The following IL1RAPL2 variants were observed in gnomAD, a reference collection of about 807,000 sequenced individuals.
The protein encoded by IL1RAPL2 is X-linked interleukin-1 receptor accessory protein-like 2.
IL1RAPL2 carries 3 observed loss-of-function variants against 44.1 expected under a neutral mutation model. The ratio of observed to expected loss-of-function variants is 0.07; its 90% CI spans 0.03 to 0.18. The LOEUF is 0.18. Among genes scored for constraint, IL1RAPL2 ranks in the 10% least tolerant of loss-of-function variants. The probability of loss-of-function intolerance (pLI) is 1.00; values close to 1 mark genes in which losing one functional copy is unlikely to be tolerated. For synonymous variants in IL1RAPL2, 181 were observed against 178.8 expected, an observed-to-expected ratio of 1.01 and a Z score of -0.10; for missense variants, 391 against 496.4, an observed-to-expected ratio of 0.79 and a Z score of 2.02.
At chrX:104,615,895 TCTTGA>T (rs1929265685) in intron 1 of IL1RAPL2, among the ~76,000 whole-genome samples, 1 of 112,169 alleles carries the variant, frequency 8.9e-6, no homozygotes, top group Non-Finnish European at 1.9e-5. Context: ...ATCTGTTGTT[TCTTGA>T]CTTTTTAATG....
intron 1 of IL1RAPL2, among the ~76,000 whole-genome samples, chrX:104,592,174 TG>T (rs1326118502): frequency 3.8e-5 from 4 of 104,847 alleles, no homozygotes; most frequent in African/African-American, 1.4e-4. Flanking sequence ...TGTGTGTGTG[TG>T]TGTGTGTGTG....
At chrX:105,356,861 A>G (rs762085388) in intron 5 of IL1RAPL2, among the ~76,000 whole-genome samples, 1 of 112,296 alleles carries the variant, frequency 8.9e-6, no homozygotes, top group East Asian at 2.8e-4. Context: ...ATCAAACTCA[A>G]CAAACCTTGG....
chrX:104,919,567 G>A (rs1271326523), intron 2 of IL1RAPL2, among the ~76,000 whole-genome samples: 2 of 94,231 alleles, frequency 2.1e-5, no homozygotes, highest in Non-Finnish European at 4.1e-5. Context: ...CTCTTACTCT[G>A]TCGCCCAGGC....
chrX:105,024,330 G>T (rs182220131), intron 2 of IL1RAPL2, among the ~76,000 whole-genome samples: 273 of 111,310 alleles, frequency 2.5e-3, no homozygotes, highest in Non-Finnish European at 2.5e-3. Flanking sequence ...ACCAAATTCT[G>T]CTTTTAATAT....
At chrX:104,586,134 A>G (rs914549264) in intron 1 of IL1RAPL2, among the ~76,000 whole-genome samples, 14 of 111,859 alleles carry the variant, frequency 1.3e-4, no homozygotes, top group African/African-American at 4.5e-4. Context: ...ATTAATAGCC[A>G]TTCTGACTAG....
intron 2 of IL1RAPL2, among the ~76,000 whole-genome samples, chrX:105,147,759 T>C (rs1433932192): frequency 8.9e-6 from 1 of 112,084 alleles, no homozygotes; most frequent in African/African-American, 3.2e-5. Flanking sequence ...GACATCTACA[T>C]TGGTTCAACT....
At chrX:104,771,479 A>C (rs954830993) in intron 2 of IL1RAPL2, among the ~76,000 whole-genome samples, 7 of 112,691 alleles carry the variant, frequency 6.2e-5, no homozygotes, top group Non-Finnish European at 1.1e-4. Flanking sequence ...TGTATTAGAT[A>C]AGGTGTGAGA....
intron 5 of IL1RAPL2, among the ~76,000 whole-genome samples, chrX:105,285,527 A>G (rs149937130): frequency 0.015 from 1,717 of 111,818 alleles, 33 homozygotes; most frequent in African/African-American, 0.053. Context: ...TTAGAACTAG[A>G]AGGGACTTTG....
At chrX:104,753,777 AG>A (rs1932301523) in intron 2 of IL1RAPL2, among the ~76,000 whole-genome samples, 1 of 111,536 alleles carries the variant, frequency 9.0e-6, no homozygotes, top group African/African-American at 3.3e-5. Flanking sequence ...GCTGGATCAG[AG>A]GCACTTGAGA....
intron 2 of IL1RAPL2, among the ~76,000 whole-genome samples, chrX:104,973,670 T>A (rs1381222125): frequency 2.7e-5 from 3 of 112,007 alleles, no homozygotes; most frequent in Admixed American, 9.5e-5. Context: ...TATAAACAAT[T>A]TTCTTTTAGT....
chrX:104,848,072 A>C (rs1290743453), intron 2 of IL1RAPL2, among the ~76,000 whole-genome samples: 1 of 110,243 alleles, frequency 9.1e-6, no homozygotes, highest in Non-Finnish European at 1.9e-5. Context: ...GAAGTTGCTT[A>C]TCAGCTTAAG....
At chrX:104,604,284 C>T (rs1928953502) in intron 1 of IL1RAPL2, among the ~76,000 whole-genome samples, 1 of 111,659 alleles carries the variant, frequency 9.0e-6, no homozygotes, top group Admixed American at 9.5e-5. Flanking sequence ...CCAGGCCTGC[C>T]TTACAAGAGC....
At chrX:105,193,354 G>A (rs182737269) in intron 2 of IL1RAPL2, among the ~76,000 whole-genome samples, 15 of 111,594 alleles carry the variant, frequency 1.3e-4, no homozygotes, top group African/African-American at 4.6e-4. Context: ...AAATATTCCC[G>A]TGGGGTTTAT....
At chrX:105,036,843 T>A (rs980357803) in intron 2 of IL1RAPL2, among the ~76,000 whole-genome samples, 3 of 111,977 alleles carry the variant, frequency 2.7e-5, no homozygotes, top group African/African-American at 9.7e-5. Flanking sequence ...GATAATAATA[T>A]ACAATACAAA....
rs1247372068 is a variant in IL1RAPL2, at chrX:105,645,430, C to G, written c.773-71937C>G. On this transcript the variant is annotated intron_variant, in intron 6 of 10. Coordinates refer to ENST00000372582, the MANE Select transcript of IL1RAPL2 (RefSeq NM_017416.2). ...ATCTGTAGTCTTTGATAGCAGGGAC[C>G]ATGTCTAATCTTAGCTACGGGCCAA... is the stretch of plus-strand genomic sequence containing the variant. 3.6e-5 allele frequency among the ~76,000 whole-genome samples: 4 copies of G among 111,856 alleles called. No homozygotes were observed. The East Asian group carries it at 1.1e-3, about 31-fold the overall frequency.
intron 5 of IL1RAPL2, among the ~76,000 whole-genome samples, chrX:105,344,560 A>G (rs898281256): frequency 4.5e-5 from 5 of 111,962 alleles, no homozygotes; most frequent in Non-Finnish European, 9.4e-5. Context: ...CAAAATTCCT[A>G]TCCCTCATAC....
intron 2 of IL1RAPL2, among the ~76,000 whole-genome samples, chrX:104,674,652 G>A (rs1339361152): frequency 3.6e-5 from 4 of 110,333 alleles, no homozygotes; most frequent in Non-Finnish European, 7.6e-5. Flanking sequence ...CTATTGATTG[G>A]AATAGTTTCA....
At chrX:105,742,630 A>G (rs1188946426) in intron 8 of IL1RAPL2, among the ~76,000 whole-genome samples, 1 of 111,179 alleles carries the variant, frequency 9.0e-6, no homozygotes, top group African/African-American at 3.3e-5. Context: ...TCTTCCAAAT[A>G]TTTAAATATT....
At chrX:104,604,633 C>CAAAAAAAAAAAAAA (rs36050333) in intron 1 of IL1RAPL2, among the ~76,000 whole-genome samples, 1 of 31,102 alleles carries the variant, frequency 3.2e-5, no homozygotes, top group African/African-American at 1.1e-4. Context: ...AAATGCATAG[C>CAAAAAAAAAAAAAA]AAAAAAAAAA....
Sources: gnomAD v4.1 joint callset for allele counts (sites outside exome capture counted in the v4.1 genomes callset) on GRCh38, gnomAD v4.1.1 for gene constraint, MANE v1.5 for transcripts, NCBI Gene and HGNC (gene_info 2026-07-23, HGNC 2026-07-21) for gene names.